The following PROX1 variants were observed in gnomAD, a reference collection of about 807,000 sequenced individuals.
The protein encoded by PROX1 is prospero homeobox 1, also known as prospero homeobox protein 1.
Under a neutral mutation model 58.8 loss-of-function variants are expected in PROX1, and 7 were observed. The ratio of observed to expected loss-of-function variants is 0.12; its 90% CI spans 0.07 to 0.22. The LOEUF (loss-of-function observed/expected upper bound fraction) is 0.22, where lower values mean the gene tolerates loss of function less well. Ranked by LOEUF, PROX1 falls within the 10% of genes least tolerant of loss-of-function variation. The pLI is 1.00. For synonymous variants in PROX1, 350 were observed against 358.3 expected (o/e 0.98, Z 0.26); for missense variants, 675 against 927.8 (o/e 0.73, Z 3.54).
intron 4 of PROX1, among the ~76,000 whole-genome samples, chr1:214,024,369 T>A (rs1664382689): frequency 6.6e-6 from 1 of 152,158 alleles, no homozygotes; most frequent in Non-Finnish European, 1.5e-5. Context: ...GATCTTGCAG[T>A]CAAAACCAAG....
chr1:214,024,917 T>C (rs1003152255), intron 4 of PROX1, among the ~76,000 whole-genome samples: 2 of 152,202 alleles, frequency 1.3e-5, no homozygotes, highest in Non-Finnish European at 2.9e-5. Context: ...CTTCAAGGGC[T>C]GTCAGCTTGT....
At chr1:214,007,233 T>G (rs1300900637) in intron 3 of PROX1, among the ~76,000 whole-genome samples, 1 of 152,154 alleles carries the variant, frequency 6.6e-6, no homozygotes, top group Non-Finnish European at 1.5e-5. Context: ...ATGGAATACC[T>G]GGGTGAATAT....
At chr1:213,986,342 AC>A (rs1662824684), upstream of PROX1, 1 of 152,118 alleles carries the variant, frequency 6.6e-6, no homozygotes, top group African/African-American at 2.4e-5. Context: ...AACCTGACCG[AC>A]CTAATTTTTT....
chr1:214,032,008 G>A (rs183575661), intron 4 of PROX1, among the ~76,000 whole-genome samples: 44 of 152,250 alleles, frequency 2.9e-4, no homozygotes, highest in African/African-American at 9.9e-4. Context: ...CTCAAAGTAA[G>A]CACTATATTA....
chr1:214,017,542 A>C (rs1299566387), intron 4 of PROX1, among the ~76,000 whole-genome samples: 2 of 151,544 alleles, frequency 1.3e-5, no homozygotes, highest in Non-Finnish European at 2.9e-5. Flanking sequence ...TCTGACTGTA[A>C]CCTACCCTGT....
At chr1:213,996,440 T>A (rs1263686967) in intron 1 of PROX1, 29 bp from the exon 2 acceptor site, 1 of 1,391,924 alleles carries the variant, frequency 7.2e-7, no homozygotes, top group East Asian at 2.3e-5. Context: ...AAGAAAATGA[T>A]TCATCAGTCC....
At chr1:213,989,077 T>C (rs978283182) in intron 1 of PROX1, among the ~76,000 whole-genome samples, 2 of 152,138 alleles carry the variant, frequency 1.3e-5, no homozygotes, top group African/African-American at 4.8e-5. Flanking sequence ...TCTTCCAATT[T>C]GCTTGTCATT....
chr1:214,035,521 A>G (rs1664799424), intron 4 of PROX1, 128 bp from the exon 5 acceptor site: 1 of 842,014 alleles, frequency 1.2e-6, no homozygotes, highest in Non-Finnish European at 1.8e-6. Context: ...GAAGCCAGCT[A>G]TTTTTAGAAA....
intron 2 of PROX1, among the ~76,000 whole-genome samples, 162 bp from the exon 3 acceptor site, chr1:214,005,003 C>T (rs1304215408): frequency 6.6e-6 from 1 of 152,214 alleles, no homozygotes; most frequent in Non-Finnish European, 1.5e-5. Flanking sequence ...GAGCAAATGG[C>T]AGCAAGTTAG....
At chr1:214,021,327 C>A (rs973370522) in intron 4 of PROX1, among the ~76,000 whole-genome samples, 2 of 152,138 alleles carry the variant, frequency 1.3e-5, no homozygotes, top group African/African-American at 4.8e-5. Context: ...CGGCTCTAAA[C>A]GTGATTCCCC....
chr1:214,004,759 A>G (rs1048603117), intron 2 of PROX1, among the ~76,000 whole-genome samples: 1 of 152,202 alleles, frequency 6.6e-6, no homozygotes, highest in African/African-American at 2.4e-5. Context: ...TGTGGAGAGA[A>G]GAACAAACAG....
chr1:214,009,664 T>A (rs1027536149), intron 3 of PROX1, among the ~76,000 whole-genome samples: 5 of 152,162 alleles, frequency 3.3e-5, no homozygotes, highest in Non-Finnish European at 7.3e-5. Context: ...TTATGTCCCA[T>A]TCGTAAATAA....
chr1:214,008,139 C>T (rs1240515986), intron 3 of PROX1, among the ~76,000 whole-genome samples: 3 of 152,110 alleles, frequency 2.0e-5, no homozygotes, highest in Non-Finnish European at 4.4e-5. Context: ...GCAACCTCCA[C>T]CTCCTGGGTT....
chr1:214,028,282 T>C (rs949594030), intron 4 of PROX1, among the ~76,000 whole-genome samples: 10 of 152,186 alleles, frequency 6.6e-5, no homozygotes, highest in African/African-American at 2.4e-4. Context: ...TTTAGCTGTT[T>C]GGGAACTCTA....
chr1:213,987,366 C>T (rs1662848683), upstream of PROX1: 1 of 151,848 alleles, frequency 6.6e-6, no homozygotes, highest in Non-Finnish European at 1.5e-5. Flanking sequence ...TTGACACTAC[C>T]TATGATCGTT....
intron 4 of PROX1, among the ~76,000 whole-genome samples, chr1:214,023,595 C>T (rs1308647186): frequency 6.6e-6 from 1 of 152,098 alleles, no homozygotes; most frequent in African/African-American, 2.4e-5. Context: ...AAAGCAACAC[C>T]ACCCTTTTCT....
At chr1:214,001,521 G>A (rs1663509961) in intron 2 of PROX1, among the ~76,000 whole-genome samples, 1 of 152,168 alleles carries the variant, frequency 6.6e-6, no homozygotes. Context: ...CACAAGAGGA[G>A]TAGTATAAGC....
At chr1:214,014,011 T>C (rs1009438572) in intron 4 of PROX1, among the ~76,000 whole-genome samples, 4 of 152,108 alleles carry the variant, frequency 2.6e-5, no homozygotes, top group African/African-American at 9.7e-5. Context: ...CCACACATAA[T>C]CCTAATATCA....
At chr1:214,010,973 A>G (rs1663887815) in intron 3 of PROX1, among the ~76,000 whole-genome samples, 1 of 152,154 alleles carries the variant, frequency 6.6e-6, no homozygotes, top group African/African-American at 2.4e-5. Context: ...TGGACATGGG[A>G]ATCACTCATT....
Sources: allele counts gnomAD v4.1 joint callset (sites outside exome capture counted in the v4.1 genomes callset), GRCh38; gene constraint gnomAD v4.1.1; transcripts MANE v1.5; gene names NCBI Gene and HGNC (gene_info 2026-07-23, HGNC 2026-07-21).